The following MEIS3 variants were observed in gnomAD, a reference collection of about 807,000 sequenced individuals.
The protein encoded by MEIS3 is homeobox protein Meis3.
A neutral mutation model predicts 51.4 loss-of-function variants in MEIS3; 38 were observed. The ratio of observed to expected loss-of-function variants is 0.74; its 90% CI spans 0.57 to 0.97. The LOEUF (loss-of-function observed/expected upper bound fraction) is 0.97. Ranked by LOEUF, MEIS3 falls within the 50% of genes least tolerant of loss-of-function variation. The probability of loss-of-function intolerance (pLI) is 0.00; values close to 1 mark genes in which losing one functional copy is unlikely to be tolerated. For synonymous variants in MEIS3, 198 were observed against 201.8 expected (o/e 0.98, Z 0.16); for missense variants, 456 against 502.6 (o/e 0.91, Z 0.89).
chr19:47,420,558 G>GGAGAGAGAGAGA (rs372574588), upstream of MEIS3, among the ~76,000 whole-genome samples: 13 of 133,602 alleles, frequency 9.7e-5, no homozygotes, highest in South Asian at 2.4e-3. Context: ...GCGGGTGGGA[G>GGAGAGAGAGAGA]GAGAGAGAGA....
intron 1 of MEIS3, chr19:47,417,734 C>T (rs1241436613): frequency 2.9e-6 from 2 of 687,836 alleles, no homozygotes; most frequent in East Asian, 2.7e-5. Context: ...CATTGTTGTA[C>T]ACAAAGTACA....
chr19:47,403,382 G>C lies in MEIS3; in HGVS notation c.*189C>G, dbSNP rs1414450802. 2.2e-6 allele frequency: 1 copy of C among 454,266 alleles called. No individual in the cohort carries two copies. The highest frequency in any genetic ancestry group is 7.0e-5 in the East Asian group (1 of 14,352). 28.1% of individuals were successfully genotyped at this position (454,266 alleles called of 1,614,324 possible). ...GTGGGGCTCAGGGCCTGGAGGCCTT[G>C]CCGGTGTCCTTGAGAGCCCTTGGAT... is the stretch of plus-strand genomic sequence containing the variant. On this transcript the variant is annotated 3_prime_UTR_variant, in exon 13 of 13. Coordinates refer to ENST00000558555, the MANE Select transcript of MEIS3 (RefSeq NM_001301059.2).
intron 8 of MEIS3, 34 bp from the exon 9 acceptor site, chr19:47,407,462 T>A (rs1022365441): frequency 6.2e-7 from 1 of 1,613,756 alleles, no homozygotes. Context: ...TCTGCCTGCC[T>A]GGCCGGCCGC....
upstream of MEIS3, among the ~76,000 whole-genome samples, chr19:47,420,940 ACTCTCT>A (rs71180840): frequency 2.0e-3 from 179 of 90,966 alleles, no homozygotes; most frequent in African/African-American, 8.7e-3. Flanking sequence ...ACACACACAC[ACTCTCT>A]CTCTCTCTCT....
At chr19:47,420,884 TGTCTCTCG>T (rs1971682884), upstream of MEIS3, among the ~76,000 whole-genome samples, 3 of 147,594 alleles carry the variant, frequency 2.0e-5, no homozygotes, top group Admixed American at 6.8e-5. Flanking sequence ...TGTCCGTCTC[TGTCTCTCG>T]CTCTCTCTCT....
intron 8 of MEIS3, 114 bp from the exon 9 acceptor site, chr19:47,407,542 G>C: frequency 1.3e-6 from 2 of 1,585,834 alleles, no homozygotes; most frequent in Non-Finnish European, 1.7e-6. Flanking sequence ...CAGACGTCTG[G>C]GAGAACCGGC....
chr19:47,417,121 AAAG>A, intron 2 of MEIS3, 54 bp downstream of exon 2: 1 of 1,538,130 alleles, frequency 6.5e-7, no homozygotes, highest in South Asian at 1.3e-5. Context: ...CCCAGGGAGC[AAAG>A]AAGCAGAAAG....
In MEIS3 at chr19:47,403,572, A is replaced by G; in HGVS notation, c.*18-19T>C. 1 of 421,466 alleles carries G rather than the reference A, an allele frequency of 2.4e-6. No individual in the cohort carries two copies. Among genetic ancestry groups the G allele is most frequent in the South Asian group, 1.7e-5 (1 of 58,648 alleles). The allele number at this position is 421,466 out of a possible 1,614,324, so 26.1% of individuals were successfully genotyped here. On this transcript the variant is annotated intron_variant, in intron 12 of 12. Transcript: ENST00000558555. ...GCTGGGTCTGTGGAGAGGGGAGGAGAGGCCAAGTCAGGAGCGGGCAGGGGG... is the reference window on the plus strand; with the variant it reads ...GCTGGGTCTGTGGAGAGGGGAGGAGGGGCCAAGTCAGGAGCGGGCAGGGGG...
intron 8 of MEIS3, chr19:47,407,753 C>T: frequency 2.0e-6 from 1 of 488,386 alleles, no homozygotes; most frequent in Non-Finnish European, 3.6e-6. Flanking sequence ...AAGCAAAGCC[C>T]AGGCCCTCCC....
At chr19:47,410,755 G>C (rs546428676) in intron 6 of MEIS3, among the ~76,000 whole-genome samples, 7 of 152,234 alleles carry the variant, frequency 4.6e-5, no homozygotes, top group South Asian at 4.1e-4. Flanking sequence ...GACAGAGTGA[G>C]ACTCCGTCTC....
At chr19:47,420,975 T>TCTCTCTCTCTCTCTCTCTC (rs1568434395), upstream of MEIS3, among the ~76,000 whole-genome samples, 45 of 79,134 alleles carry the variant, frequency 5.7e-4, no homozygotes, top group African/African-American at 2.3e-3. Flanking sequence ...CTCTCTCTCT[T>TCTCTCTCTCTCTCTCTCTC]CCTGGCTGTC....
chr19:47,414,931 G>A lies in MEIS3; in HGVS notation c.448-65C>T, dbSNP rs1357245634. The A allele has an allele frequency of 3.1e-5, 37 of 1,203,832 alleles. No individual in the cohort carries two copies. In the Admixed American group the frequency reaches 4.4e-4, roughly 14 times the overall value. 74.6% of individuals were successfully genotyped at this position (1,203,832 alleles called of 1,614,324 possible). A position where few individuals can be genotyped will look rare whatever the true frequency, so the allele number is the denominator to read the frequency against. On this transcript the variant is annotated intron_variant, in intron 5 of 12. Transcript: ENST00000558555. ...GGGCAGGGCGGGGGTGCTCAGGGACGGGGGCGGCATTCTGCTTCAACTCCG... is the reference window on the plus strand; with the variant it reads ...GGGCAGGGCGGGGGTGCTCAGGGACAGGGGCGGCATTCTGCTTCAACTCCG...
rs560686961 is a variant in MEIS3 at position 47,403,384 on chromosome 19, C to T, written c.*187G>A. 4 of 454,306 alleles carry T rather than the reference C, an allele frequency of 8.8e-6. No homozygotes were observed. The highest frequency in any genetic ancestry group is 7.0e-5 in the East Asian group (1 of 14,356). The allele number at this position is 454,306 out of a possible 1,614,324, so 28.1% of individuals were successfully genotyped here. A position where few individuals can be genotyped will look rare whatever the true frequency, so the allele number is the denominator to read the frequency against. On this transcript the variant is annotated 3_prime_UTR_variant, in exon 13 of 13. Coordinates refer to ENST00000558555, the MANE Select transcript of MEIS3 (RefSeq NM_001301059.2). ...GGGGCTCAGGGCCTGGAGGCCTTGCCGGTGTCCTTGAGAGCCCTTGGATGG... is the reference window on the plus strand; with the variant it reads ...GGGGCTCAGGGCCTGGAGGCCTTGCTGGTGTCCTTGAGAGCCCTTGGATGG...
At chr19:47,405,307 C>T (rs1388451993) in intron 12 of MEIS3, among the ~76,000 whole-genome samples, 2 of 152,204 alleles carry the variant, frequency 1.3e-5, no homozygotes, top group African/African-American at 4.8e-5. Flanking sequence ...TAATGCCCCC[C>T]TTCCACATTA....
At chr19:47,414,966 G>C (rs770700446) in intron 5 of MEIS3, 85 bp downstream of exon 5, 2 of 975,922 alleles carry the variant, frequency 2.0e-6, no homozygotes, top group Admixed American at 2.3e-5. Flanking sequence ...GGTGGGGAGA[G>C]AGCTGGAAGG....
chr19:47,405,572 T>A (rs1349994383), intron 12 of MEIS3, among the ~76,000 whole-genome samples: 2 of 151,668 alleles, frequency 1.3e-5, no homozygotes, highest in Non-Finnish European at 2.9e-5. Flanking sequence ...ATTTTTTTTT[T>A]TTTTTTTTTT....
At chr19:47,420,399 C>T (rs2122585863), upstream of MEIS3, among the ~76,000 whole-genome samples, 1 of 151,716 alleles carries the variant, frequency 6.6e-6, no homozygotes, top group Non-Finnish European at 1.5e-5. Context: ...GCAAGTGCGG[C>T]CTCATCTGAC....
At chr19:47,417,143 A>T in intron 2 of MEIS3, 35 bp downstream of exon 2, 1 of 1,536,042 alleles carries the variant, frequency 6.5e-7, no homozygotes, top group Non-Finnish European at 8.7e-7. Flanking sequence ...AGACAGAGAG[A>T]GAGAGACAGG....
intron 7 of MEIS3, 59 bp downstream of exon 7, chr19:47,409,377 T>C (rs1302447462): frequency 5.7e-6 from 9 of 1,577,878 alleles, no homozygotes; most frequent in African/African-American, 2.7e-5. Flanking sequence ...TTACTTGCGA[T>C]CTAACTTCAA....
Sources: gnomAD v4.1 joint callset for allele counts (sites outside exome capture counted in the v4.1 genomes callset) on GRCh38, gnomAD v4.1.1 for gene constraint, MANE v1.5 for transcripts, NCBI Gene and HGNC (gene_info 2026-07-23, HGNC 2026-07-21) for gene names.